AKAP9: variants seen among roughly 807,000 people sequenced by gnomAD.
The protein encoded by AKAP9 is A-kinase anchoring protein 9.
In AKAP9, 311 loss-of-function variants were observed where a neutral mutation model predicts 488.5. The ratio of observed to expected loss-of-function variants is 0.64; its 90% CI spans 0.58 to 0.70. AKAP9 has a LOEUF of 0.70. AKAP9 is among the 30% of genes least tolerant of loss of function. The pLI, the probability that AKAP9 is intolerant of heterozygous loss-of-function variation, is 0.00. For synonymous variants in AKAP9, 1,462 were observed against 1,483.5 expected, an observed-to-expected ratio of 0.99 and a Z score of 0.33; for missense variants, 4,215 against 4,374.5, an observed-to-expected ratio of 0.96 and a Z score of 1.03.
chr7:92,030,593 GATTGCA>G (rs1554421854), intron 15 of AKAP9, among the ~76,000 whole-genome samples: 1 of 143,246 alleles, frequency 7.0e-6, no homozygotes, highest in Non-Finnish European at 1.5e-5. Flanking sequence ...AGTGAGCTGC[GATTGCA>G]CCACTGCACT....
chr7:91,971,327 TA>T (rs1429215211), intron 1 of AKAP9, among the ~76,000 whole-genome samples: 1 of 152,272 alleles, frequency 6.6e-6, no homozygotes, highest in South Asian at 2.1e-4. Flanking sequence ...TTTTGATTTA[TA>T]AAAAACTTTT....
intron 17 of AKAP9, among the ~76,000 whole-genome samples, chr7:92,039,901 G>A (rs537181812): frequency 6.6e-6 from 1 of 152,262 alleles, no homozygotes; most frequent in African/African-American, 2.4e-5. Flanking sequence ...CTTGAACTGG[G>A]GAGATGAAGG....
rs545015753 is a variant in AKAP9, at chr7:92,061,485, G to T, written c.5764+63G>T. Reference sequence around the variant, plus strand: ...TTTCAGTCTTAAAATAGAGATTTTTGATGCACAGCCAGGTTTGGAAGCCGT... The same window carrying T: ...TTTCAGTCTTAAAATAGAGATTTTTTATGCACAGCCAGGTTTGGAAGCCGT... On this transcript the variant is annotated intron_variant, in intron 23 of 49. Coordinates refer to ENST00000356239, the MANE Select transcript of AKAP9 (RefSeq NM_005751.5). 25 of 1,578,884 alleles carry T rather than the reference G, an allele frequency of 1.6e-5. No individual in the cohort carries two copies. The South Asian group carries it at 2.7e-4, about 17-fold the overall frequency.
intron 40 of AKAP9, among the ~76,000 whole-genome samples, chr7:92,095,774 G>T (rs770177556): frequency 4.3e-4 from 66 of 152,284 alleles, no homozygotes; most frequent in Non-Finnish European, 5.9e-4. Flanking sequence ...ACAATGTGTT[G>T]CTGGCATTTT....
At chr7:92,097,975 A>T in intron 42 of AKAP9, 134 bp from the exon 43 acceptor site, 1 of 860,614 alleles carries the variant, frequency 1.2e-6, no homozygotes, top group South Asian at 1.5e-5. Context: ...TAACACTTTG[A>T]CCCAGGGAAG....
intron 12 of AKAP9, among the ~76,000 whole-genome samples, chr7:92,018,744 A>G (rs1238759673): frequency 6.6e-6 from 1 of 152,160 alleles, no homozygotes; most frequent in Non-Finnish European, 1.5e-5. Context: ...TTATATTACC[A>G]GGGATCTTTA....
chr7:91,994,182 G>T (rs1299327959), intron 5 of AKAP9, among the ~76,000 whole-genome samples: 1 of 152,142 alleles, frequency 6.6e-6, no homozygotes, highest in Non-Finnish European at 1.5e-5. Context: ...ACCTCTTGTG[G>T]TTAGACTAAC....
At chr7:91,948,036 A>C (rs886444019) in intron 1 of AKAP9, among the ~76,000 whole-genome samples, 1 of 152,254 alleles carries the variant, frequency 6.6e-6, no homozygotes, top group African/African-American at 2.4e-5. Context: ...TATGAAAGGA[A>C]TCATATAATA....
Position 91,970,543 on chromosome 7 carries a change from T to C in AKAP9, c.49-3168T>C, listed in dbSNP as rs554114080. 372 of 454,908 alleles carry C rather than the reference T, an allele frequency of 8.2e-4. 5 individuals carry two copies. Among genetic ancestry groups the C allele is most frequent in the South Asian group, 5.7e-3 (363 of 63,762 alleles). The allele number at this position is 454,908 out of a possible 1,614,324, so 28.2% of individuals were successfully genotyped here. A position where few individuals can be genotyped will look rare whatever the true frequency, so the allele number is the denominator to read the frequency against. On this transcript the variant is annotated intron_variant, in intron 1 of 49. Transcript: ENST00000356239. Reference sequence around the variant, plus strand: ...AGTGAATTCTCTCAGCTTTTGTTTGTCTGTGAAAGACTTTGTTCCTCTTCT... The same window carrying C: ...AGTGAATTCTCTCAGCTTTTGTTTGCCTGTGAAAGACTTTGTTCCTCTTCT...
At chr7:91,978,362 T>A (rs1169132160) in intron 2 of AKAP9, among the ~76,000 whole-genome samples, 1 of 152,264 alleles carries the variant, frequency 6.6e-6, no homozygotes, top group East Asian at 1.9e-4. Flanking sequence ...GAGAAGGTAG[T>A]TTTAGAACTT....
intron 37 of AKAP9, among the ~76,000 whole-genome samples, chr7:92,088,891 G>A (rs1418533523): frequency 6.6e-6 from 1 of 152,066 alleles, no homozygotes; most frequent in Non-Finnish European, 1.5e-5. Flanking sequence ...ATGCAAGATG[G>A]TATCATTGGG....
intron 3 of AKAP9, among the ~76,000 whole-genome samples, chr7:91,984,847 A>G (rs767580697): frequency 7.2e-5 from 11 of 152,108 alleles, no homozygotes; most frequent in African/African-American, 1.4e-4. Context: ...GGTCCTTCAC[A>G]TCCCTTGTAA....
At chr7:91,976,134 G>A (rs2130572191) in intron 2 of AKAP9, among the ~76,000 whole-genome samples, 1 of 151,956 alleles carries the variant, frequency 6.6e-6, no homozygotes, top group South Asian at 2.1e-4. Flanking sequence ...TGTTGGCCAG[G>A]GTGGTCTCGA....
At chr7:92,028,592 AAAACCTAAACGGCC>A (rs769537380) in intron 14 of AKAP9, among the ~76,000 whole-genome samples, 7 of 152,200 alleles carry the variant, frequency 4.6e-5, no homozygotes, top group Non-Finnish European at 8.8e-5. Context: ...CACAGCAGGA[AAAACCTAAACGGCC>A]AATAACATTT....
rs774755869 is a variant in AKAP9 at position 92,038,684 on chromosome 7, C to G, written c.4604C>G (p.Pro1535Arg). ...GAAATTTTATTATCAAATAGTGATC[C>G]CCATGATATACCAGAATCAAAGGAC... The part of the protein sequence containing the change: ...GKEILLSNSD[P>R]HDIPESKDCV... The change falls in exon 17 of 50, where the codon CCC becomes CGC. Residue 1535 changes from proline to arginine, a missense_variant. By Grantham distance (103) the Pro-to-Arg change is moderately radical (BLOSUM62 -2). Transcript: ENST00000356239. 4.4e-6 allele frequency: 7 copies of G among 1,608,356 alleles called. No individual in the cohort carries two copies. Among genetic ancestry groups the G allele is most frequent in the Non-Finnish European group, 5.9e-6 (7 of 1,177,762 alleles).
At position 92,097,624 on chromosome 7, in the gene AKAP9, T is replaced by C; in HGVS notation, c.10437T>C (p.Asn3479=). ...TWSLTSDRTR[N]WVLQQKIEGE... ...GCTTAACCAGTGATAGAACTAGAAATTGGGTTCTTCAACAGAAAATAGAAG... is the reference window on the plus strand; with the variant it reads ...GCTTAACCAGTGATAGAACTAGAAACTGGGTTCTTCAACAGAAAATAGAAG... Residue 3479 remains asparagine (N), a synonymous_variant, in exon 42 of 50, where the codon AAT becomes AAC. Coordinates refer to ENST00000356239, the MANE Select transcript of AKAP9 (RefSeq NM_005751.5). The C allele has an allele frequency of 6.2e-7, 1 of 1,613,836 alleles. No individual in the cohort carries two copies. The highest frequency in any genetic ancestry group is 8.5e-7 in the Non-Finnish European group (1 of 1,180,012).
At chr7:92,020,263 T>TA (rs1802135190) in intron 12 of AKAP9, among the ~76,000 whole-genome samples, 1 of 152,188 alleles carries the variant, frequency 6.6e-6, no homozygotes, top group South Asian at 2.1e-4. Flanking sequence ...CATACTGAAA[T>TA]ACTTAGTTTC....
rs1563104922 is a variant in AKAP9 at position 92,079,968 on chromosome 7, A to G, written c.7835A>G (p.Glu2612Gly). ...TTAACCTTGAGAATATCAGAATTAG[A>G]AAGCCAGGTTGTTGAAATGCATACT... Reference protein sequence around the residue: ...SALTLRISELESQVVEMHTSL... With the variant: ...SALTLRISELGSQVVEMHTSL... The change falls in exon 31 of 50, where the codon GAA becomes GGA. Residue 2612 changes from glutamate to glycine, a missense_variant. Transcript: ENST00000356239. 6.3e-7 allele frequency: 1 copy of G among 1,586,194 alleles called. No individual in the cohort carries two copies. The highest frequency in any genetic ancestry group is 8.5e-7 in the Non-Finnish European group (1 of 1,170,270).
At chr7:92,094,103 G>A (rs866724354) in intron 39 of AKAP9, among the ~76,000 whole-genome samples, 1 of 151,642 alleles carries the variant, frequency 6.6e-6, no homozygotes, top group African/African-American at 2.4e-5. Context: ...CACCCACCAC[G>A]GCCTCCCAAA....
Sources: gnomAD v4.1 joint callset for allele counts (sites outside exome capture counted in the v4.1 genomes callset) on GRCh38, gnomAD v4.1.1 for gene constraint, MANE v1.5 for transcripts, NCBI Gene and HGNC (gene_info 2026-07-23, HGNC 2026-07-21) for gene names.